PPM1H: variants seen among roughly 807,000 people sequenced by gnomAD.
PPM1H encodes protein phosphatase 1H.
In PPM1H, 27 loss-of-function variants were observed where a neutral mutation model predicts 54.9. The ratio of observed to expected loss-of-function variants is 0.49; its 90% confidence interval spans 0.36 to 0.68. PPM1H has a LOEUF of 0.68. Ranked by LOEUF, PPM1H falls within the 30% of genes least tolerant of loss-of-function variation. PPM1H has a pLI of 0.00. For missense variants in PPM1H, 596 were observed against 667.8 expected (o/e 0.89, Z 1.19); for synonymous variants, 305 against 270.8 (o/e 1.13, Z -1.24).
intron 4 of PPM1H, among the ~76,000 whole-genome samples, chr12:62,773,489 A>T (rs7298908): frequency 0.15 from 22,903 of 152,128 alleles, 1,830 homozygotes; most frequent in South Asian, 0.2. Flanking sequence ...AATTTTTTTT[A>T]ATAAAAATTT....
intron 8 of PPM1H, among the ~76,000 whole-genome samples, chr12:62,688,289 G>A (rs2076064827): frequency 6.6e-6 from 1 of 152,118 alleles, no homozygotes; most frequent in Non-Finnish European, 1.5e-5. Context: ...ACCATGAAGG[G>A]AAAGTCAAAG....
rs140504715 is a variant in PPM1H, at chr12:62,831,884, G to A, written c.411+230C>T. Among the ~76,000 whole-genome samples the A allele has an allele frequency of 2.1e-3, 316 of 151,916 alleles. 1 individual carries two copies. The highest frequency in any genetic ancestry group is 7.3e-3 in the African/African-American group (304 of 41,440). On this transcript the variant is annotated intron_variant, in intron 2 of 9. Transcript: ENST00000228705. Reference sequence around the variant, plus strand: ...CAAGAGCTAGATACATATGGTGTGGGTGTTTCATTTACTTTGTGTTAAAAA... The same window carrying A: ...CAAGAGCTAGATACATATGGTGTGGATGTTTCATTTACTTTGTGTTAAAAA...
At chr12:62,897,073 G>C (rs1305736766) in intron 1 of PPM1H, among the ~76,000 whole-genome samples, 1 of 135,336 alleles carries the variant, frequency 7.4e-6, no homozygotes, top group Non-Finnish European at 1.6e-5. Flanking sequence ...ACACAGGGTG[G>C]GGAACATCAC....
At chr12:62,793,656 G>A (rs2120721248) in intron 3 of PPM1H, among the ~76,000 whole-genome samples, 1 of 151,338 alleles carries the variant, frequency 6.6e-6, no homozygotes, top group African/African-American at 2.4e-5. Context: ...CCCGGGAGGT[G>A]GAGGTTGCGG....
At chr12:62,850,772 C>G (rs775526465) in intron 1 of PPM1H, 1 of 151,326 alleles carries the variant, frequency 6.6e-6, no homozygotes, top group East Asian at 1.9e-4. Context: ...CCCACTACCA[C>G]AAATCATGCA....
intron 9 of PPM1H, among the ~76,000 whole-genome samples, chr12:62,653,430 G>C (rs990247567): frequency 2.0e-5 from 3 of 152,082 alleles, no homozygotes; most frequent in African/African-American, 7.2e-5. Context: ...GAATTACTTT[G>C]TTTCAATGAC....
At chr12:62,716,048 A>G (rs894104323) in intron 6 of PPM1H, among the ~76,000 whole-genome samples, 1 of 152,166 alleles carries the variant, frequency 6.6e-6, no homozygotes, top group Admixed American at 6.5e-5. Flanking sequence ...AAGAACCCCA[A>G]CAAAAAGTCA....
chr12:62,714,283 G>A (rs368497928), intron 6 of PPM1H, among the ~76,000 whole-genome samples: 2 of 152,168 alleles, frequency 1.3e-5, no homozygotes, highest in African/African-American at 2.4e-5. Context: ...TACTGTGCTC[G>A]AGAGCACAGA....
chr12:62,851,311 T>A (rs1869178731), intron 1 of PPM1H, among the ~76,000 whole-genome samples: 1 of 152,216 alleles, frequency 6.6e-6, no homozygotes, highest in East Asian at 1.9e-4. Context: ...CTATCACTGG[T>A]TAATTCTGAG....
chr12:62,848,709 G>T (rs1290371874), intron 1 of PPM1H, among the ~76,000 whole-genome samples: 1 of 152,158 alleles, frequency 6.6e-6, no homozygotes, highest in East Asian at 1.9e-4. Context: ...GAATTCCCCT[G>T]CAACCTCAGC....
rs1021812975 is a variant in PPM1H at position 62,788,306 on chromosome 12, A to G, written c.789T>C (p.Tyr263=). The G allele has an allele frequency of 8.8e-6, 14 of 1,587,222 alleles. No individual in the cohort carries two copies. The highest frequency in any genetic ancestry group is 2.3e-5 in the East Asian group (1 of 44,080). ...DLQIERERSS[Y]NISGGCTALI... ...GGGCCGTGCAGCCACCAGATATATT[A>G]TATGAACTCCTCTCTCGTTCTATCT... is the stretch of plus-strand genomic sequence containing the variant. Residue 263 remains tyrosine (Y), a synonymous_variant, in exon 4 of 10, where the codon TAT becomes TAC. Coordinates refer to ENST00000228705, the MANE Select transcript of PPM1H (RefSeq NM_020700.2).
chr12:62,698,694 AT>A (rs2076127175), intron 6 of PPM1H, among the ~76,000 whole-genome samples: 1 of 152,090 alleles, frequency 6.6e-6, no homozygotes, highest in Non-Finnish European at 1.5e-5. Flanking sequence ...TAACAAAGCT[AT>A]TTCCATTATG....
At chr12:62,885,880 A>C (rs1456586738) in intron 1 of PPM1H, among the ~76,000 whole-genome samples, 6 of 152,176 alleles carry the variant, frequency 3.9e-5, no homozygotes, top group African/African-American at 1.4e-4. Flanking sequence ...CAGTTCATGA[A>C]ATATCAGGTA....
intron 1 of PPM1H, among the ~76,000 whole-genome samples, chr12:62,897,042 T>C (rs918293373): frequency 8.9e-5 from 12 of 134,678 alleles, no homozygotes; most frequent in African/African-American, 3.4e-4. Flanking sequence ...CAGGTGGGAA[T>C]TGAACAATGA....
At chr12:62,798,421 G>C (rs1177240439) in intron 3 of PPM1H, among the ~76,000 whole-genome samples, 1 of 152,160 alleles carries the variant, frequency 6.6e-6, no homozygotes, top group Non-Finnish European at 1.5e-5. Context: ...CCACGACTCA[G>C]CTTTCAGCTT....
At chr12:62,755,092 G>A (rs1334326883) in intron 4 of PPM1H, 1 of 368,254 alleles carries the variant, frequency 2.7e-6, no homozygotes, top group Non-Finnish European at 5.2e-6. Flanking sequence ...TCTTTGGATG[G>A]TGAGAATATC....
At chr12:62,881,369 A>C (rs560237445) in intron 1 of PPM1H, among the ~76,000 whole-genome samples, 2 of 152,214 alleles carry the variant, frequency 1.3e-5, no homozygotes, top group South Asian at 4.2e-4. Flanking sequence ...ATTATGCTAA[A>C]TAAGCTGATA....
chr12:62,756,011 T>G, intron 4 of PPM1H: 1 of 1,403,356 alleles, frequency 7.1e-7, no homozygotes, highest in Non-Finnish European at 1.0e-6. Flanking sequence ...AAGAAGGTGG[T>G]GAAGCAGGCG....
intron 2 of PPM1H, among the ~76,000 whole-genome samples, chr12:62,816,348 C>T (rs144136238): frequency 3.9e-4 from 59 of 152,294 alleles, no homozygotes; most frequent in African/African-American, 1.2e-3. Context: ...CTCTGAAATC[C>T]AAAACTTTTG....
Sources: allele counts gnomAD v4.1 joint callset (sites outside exome capture counted in the v4.1 genomes callset), GRCh38; gene constraint gnomAD v4.1.1; transcripts MANE v1.5; gene names NCBI Gene and HGNC (gene_info 2026-07-23, HGNC 2026-07-21).